The following HES2 variants were observed in gnomAD, a reference collection of about 807,000 sequenced individuals.
The protein encoded by HES2 is transcription factor HES-2.
In HES2, 11 loss-of-function variants were observed where a neutral mutation model predicts 11.9. The ratio of observed to expected loss-of-function variants is 0.92; its 90% CI spans 0.58 to 1.53. HES2 has a LOEUF of 1.53. HES2 is among the 40% of genes most tolerant of loss of function. HES2 has a pLI of 0.00. For missense variants in HES2, 260 were observed against 253.8 expected (o/e 1.02, Z -0.16); for synonymous variants, 125 against 122.8 (o/e 1.02, Z -0.12).
chr1:6,418,685 C>T lies in HES2; in HGVS notation c.*188G>A, dbSNP rs1328860271. On this transcript the variant is annotated 3_prime_UTR_variant, in exon 4 of 4. Coordinates refer to ENST00000377834, the MANE Select transcript of HES2 (RefSeq NM_019089.5). ...TGAAGCAGGGACGCTCCTTTTATTC[C>T]CTGAGCCGAGCCCCAGCCCCAGGGC... is the stretch of plus-strand genomic sequence containing the variant. 4 of 482,882 alleles carry T rather than the reference C, an allele frequency of 8.3e-6. No homozygotes were observed. The highest frequency in any genetic ancestry group is 5.6e-4 in the Middle Eastern group (1 of 1,788). 29.9% of individuals were successfully genotyped at this position (482,882 alleles called of 1,614,324 possible).
Position 6,419,110 on chromosome 1 carries a change from C to A in HES2, c.285G>T (p.Ala95=), listed in dbSNP as rs775892324. The A allele has an allele frequency of 5.3e-6, 8 of 1,509,260 alleles. No individual in the cohort carries two copies. The South Asian group carries it at 8.6e-5, about 16-fold the overall frequency. The allele number at this position is 1,509,260 out of a possible 1,614,324, so 93.5% of individuals were successfully genotyped here. Residue 95 remains alanine, a synonymous_variant, in exon 4 of 4, where the codon GCG becomes GCT. Coordinates refer to ENST00000377834, the MANE Select transcript of HES2 (RefSeq NM_019089.5). This position sits in a 1 kb window ranked among gnomAD's most constrained non-coding sequence, Gnocchi z 8.1. ...AGGCGGGCAGCACGCGGGCCAGGCGCGCCACACAGGCGCTGTAGCCCTCGC... is the reference window on the plus strand; with the variant it reads ...AGGCGGGCAGCACGCGGGCCAGGCGAGCCACACAGGCGCTGTAGCCCTCGC... The part of the protein sequence containing the change: ...SYREGYSACV[A]RLARVLPACR...
In HES2 at chr1:6,419,727, A is replaced by G; in HGVS notation, c.46-25T>C. The G allele has an allele frequency of 6.4e-7, 1 of 1,551,542 alleles. No homozygotes were observed. Among genetic ancestry groups the G allele is most frequent in the Admixed American group, 1.9e-5 (1 of 52,108 alleles). ...TCTGCGGACGGGCGGCGCGGTGGTTAGACGGGTCCCCGGAGTCCCCAGCCC... is the reference window on the plus strand; with the variant it reads ...TCTGCGGACGGGCGGCGCGGTGGTTGGACGGGTCCCCGGAGTCCCCAGCCC... On this transcript the variant is annotated intron_variant, in intron 1 of 3. Coordinates refer to ENST00000377834, the MANE Select transcript of HES2 (RefSeq NM_019089.5). The surrounding 1 kb of genome is among the most constrained non-coding windows in gnomAD (Gnocchi z 8.1).
Position 6,419,863 on chromosome 1 carries a change from G to C in HES2, c.-43C>G. 2 of 1,514,280 alleles carry C rather than the reference G, an allele frequency of 1.3e-6. No individual in the cohort carries two copies. Among genetic ancestry groups the C allele is most frequent in the Non-Finnish European group, 1.8e-6 (2 of 1,134,930 alleles). 93.8% of individuals were successfully genotyped at this position (1,514,280 alleles called of 1,614,324 possible). On this transcript the variant is annotated 5_prime_UTR_variant, in exon 1 of 4. Transcript: ENST00000377834. The surrounding 1 kb of genome is among the most constrained non-coding windows in gnomAD (Gnocchi z 8.1). ...TGGCAGCTGCGAGCCCCACGCAAAG[G>C]GAAACCGAGGTCCGAAATGAGGTCC...
chr1:6,419,667 C>T lies in HES2; in HGVS notation c.81G>A (p.Ala27=), dbSNP rs1175271441. 2 of 1,554,982 alleles carry T rather than the reference C, an allele frequency of 1.3e-6. No individual in the cohort carries two copies. The highest frequency in any genetic ancestry group is 2.7e-5 in the African/African-American group (2 of 72,890). ...LKPLLEKRRR[A]RINQSLSQLK... is the part of the protein sequence containing the mutation. The stretch of plus-strand genomic sequence containing the variant: ...GCTGGCTCAGGCTCTGGTTGATGCG[C>T]GCGCGCCGGCGCTTCTCCAGCAGCG... The change falls in exon 2 of 4, where the codon GCG becomes GCA. Residue 27 remains alanine (A), a synonymous_variant. Coordinates refer to ENST00000377834, the MANE Select transcript of HES2 (RefSeq NM_019089.5). The surrounding 1 kb of genome is among the most constrained non-coding windows in gnomAD (Gnocchi z 8.1).
chr1:6,419,258 C>T lies in HES2; in HGVS notation c.224G>A (p.Trp75Ter). ...RFLQELPASS[W>*]PTAAPLPCDS... ...TCACTCACGGGGCGCTGCCGTGGGC[C>T]ATGAGGACGCAGGCAGCTCCTGCAG... Residue 75 changes from tryptophan (W) to a stop codon, truncating the protein, a stop_gained, in exon 3 of 4, where the codon TGG becomes TAG. Coordinates refer to ENST00000377834, the MANE Select transcript of HES2 (RefSeq NM_019089.5). LOFTEE classifies it low-confidence loss of function (END_TRUNC). This position sits in a 1 kb window ranked among gnomAD's most constrained non-coding sequence, Gnocchi z 8.1. The T allele has an allele frequency of 6.2e-7, 1 of 1,610,084 alleles. No individual in the cohort carries two copies. Among genetic ancestry groups the T allele is most frequent in the Non-Finnish European group, 8.5e-7 (1 of 1,179,034 alleles).
chr1:6,419,237 T>A lies in HES2; in HGVS notation c.241+4A>T, dbSNP rs1642883385. The A allele has an allele frequency of 6.2e-7, 1 of 1,607,610 alleles. No individual in the cohort carries two copies. The highest frequency in any genetic ancestry group is 8.5e-7 in the Non-Finnish European group (1 of 1,178,512). On this transcript the variant is annotated splice_donor_region_variant and intron_variant, in intron 3 of 3. Transcript: ENST00000377834. The surrounding 1 kb of genome is among the most constrained non-coding windows in gnomAD (Gnocchi z 8.1). ...GCGCGGCAGGGCAGGGAGGGCTCAC[T>A]CACGGGGCGCTGCCGTGGGCCATGA...
chr1:6,419,490 G>C lies in HES2; in HGVS notation c.141+117C>G. The C allele has an allele frequency of 8.4e-7, 1 of 1,184,922 alleles. No homozygotes were observed. The highest frequency in any genetic ancestry group is 1.5e-5 in the South Asian group (1 of 64,578). The allele number at this position is 1,184,922 out of a possible 1,614,324, so 73.4% of individuals were successfully genotyped here. On this transcript the variant is annotated intron_variant, in intron 2 of 3. Coordinates refer to ENST00000377834, the MANE Select transcript of HES2 (RefSeq NM_019089.5). This position sits in a 1 kb window ranked among gnomAD's most constrained non-coding sequence, Gnocchi z 8.1. ...GCTCCGACGCGCCCACCCCACCCAG[G>C]CTCCGCCTCGGGCGCCGCGCGGAAC...
rs1458071917 is a variant in HES2, at chr1:6,418,019, C to A, written c.*854G>T. The A allele has an allele frequency of 6.6e-6, 1 of 152,318 alleles. No individual in the cohort carries two copies. The highest frequency in any genetic ancestry group is 2.4e-5 in the African/African-American group (1 of 41,460). The allele number at this position is 152,318 out of a possible 1,614,324, so 9.4% of individuals were successfully genotyped here. ...TCCATCCCTCAAATTCCTGCTGCTC[C>A]ATGGCAGGGGCCCTGCTCACCCCAC... On this transcript the variant is annotated 3_prime_UTR_variant, in exon 4 of 4. Coordinates refer to ENST00000377834, the MANE Select transcript of HES2 (RefSeq NM_019089.5).
chr1:6,419,541 G>T lies in HES2; in HGVS notation c.141+66C>A, dbSNP rs1642887219. The stretch of plus-strand genomic sequence containing the variant: ...CCCCTGGTGGGTTCCTCCCGCAGGA[G>T]CACCCCGTCCCCCTGCCCCCGCTCC... On this transcript the variant is annotated intron_variant, in intron 2 of 3. Coordinates refer to ENST00000377834, the MANE Select transcript of HES2 (RefSeq NM_019089.5). This position sits in a 1 kb window ranked among gnomAD's most constrained non-coding sequence, Gnocchi z 8.1. 1 of 1,380,244 alleles carries T rather than the reference G, an allele frequency of 7.2e-7. No individual in the cohort carries two copies. The highest frequency in any genetic ancestry group is 9.7e-7 in the Non-Finnish European group (1 of 1,033,484). 85.5% of individuals were successfully genotyped at this position (1,380,244 alleles called of 1,614,324 possible).
At position 6,419,507 on chromosome 1, in the gene HES2, G is replaced by A; in HGVS notation, c.141+100C>T. The A allele has an allele frequency of 8.0e-7, 1 of 1,244,536 alleles. No individual in the cohort carries two copies. Among genetic ancestry groups the A allele is most frequent in the Non-Finnish European group, 1.1e-6 (1 of 923,066 alleles). The allele number at this position is 1,244,536 out of a possible 1,614,324, so 77.1% of individuals were successfully genotyped here. A position where few individuals can be genotyped will look rare whatever the true frequency, so the allele number is the denominator to read the frequency against. ...CCACCCAGGCTCCGCCTCGGGCGCCGCGCGGAACCCCCTGGTGGGTTCCTC... is the reference window on the plus strand; with the variant it reads ...CCACCCAGGCTCCGCCTCGGGCGCCACGCGGAACCCCCTGGTGGGTTCCTC... On this transcript the variant is annotated intron_variant, in intron 2 of 3. Coordinates refer to ENST00000377834, the MANE Select transcript of HES2 (RefSeq NM_019089.5). The surrounding 1 kb of genome is among the most constrained non-coding windows in gnomAD (Gnocchi z 8.1).
At position 6,418,992 on chromosome 1, in the gene HES2, C is replaced by T. The variant is rs766076429; in HGVS notation, c.403G>A (p.Asp135Asn). The change falls in exon 4 of 4, where the codon GAT (aspartate) becomes AAT (asparagine). Residue 135 changes from aspartate to asparagine, a missense_variant. Asp to Asn is a conservative substitution (Grantham distance 23). Transcript: ENST00000377834. Reference protein sequence around the residue: ...SATLDGGRAGDSSGPSAPAPA... With the variant: ...SATLDGGRAGNSSGPSAPAPA... ...GCGGGGGCAGACGGGCCACTGGAATCCCCAGCGCGCCCGCCGTCCAGGGTG... is the reference window on the plus strand; with the variant it reads ...GCGGGGGCAGACGGGCCACTGGAATTCCCAGCGCGCCCGCCGTCCAGGGTG... 7 of 1,368,382 alleles carry T rather than the reference C, an allele frequency of 5.1e-6. No homozygotes were observed. The Admixed American group carries it at 2.4e-4, about 47-fold the overall frequency. 84.8% of individuals were successfully genotyped at this position (1,368,382 alleles called of 1,614,324 possible).
rs1459772624 is a variant in HES2, at chr1:6,419,446, C to G, written c.142-106G>C. ...GTCGGGAGCTGGGTGTGGGGCGCGC[C>G]GTGGCCTGCTGGGGGTCCGCTCCGA... On this transcript the variant is annotated intron_variant, in intron 2 of 3. Coordinates refer to ENST00000377834, the MANE Select transcript of HES2 (RefSeq NM_019089.5). The surrounding 1 kb of genome is among the most constrained non-coding windows in gnomAD (Gnocchi z 8.1). 29 of 1,206,292 alleles carry G rather than the reference C, an allele frequency of 2.4e-5. No individual in the cohort carries two copies. The East Asian group carries it at 7.8e-4, about 32-fold the overall frequency. The allele number at this position is 1,206,292 out of a possible 1,614,324, so 74.7% of individuals were successfully genotyped here.
chr1:6,419,097 C>G lies in HES2; in HGVS notation c.298G>C (p.Val100Leu). 3.3e-6 allele frequency: 5 copies of G among 1,503,444 alleles called. No homozygotes were observed. The highest frequency in any genetic ancestry group is 2.1e-5 in the Admixed American group (1 of 47,504). The allele number at this position is 1,503,444 out of a possible 1,614,324, so 93.1% of individuals were successfully genotyped here. A position where few individuals can be genotyped will look rare whatever the true frequency, so the allele number is the denominator to read the frequency against. Residue 100 changes from valine (V) to leucine (L), a missense_variant, in exon 4 of 4, where the codon GTG (valine) becomes CTG (leucine). Physicochemically the swap from Val to Leu is conservative, Grantham distance 32. Coordinates refer to ENST00000377834, the MANE Select transcript of HES2 (RefSeq NM_019089.5). This position sits in a 1 kb window ranked among gnomAD's most constrained non-coding sequence, Gnocchi z 8.1. ...TCCAGGACACGGCAGGCGGGCAGCACGCGGGCCAGGCGCGCCACACAGGCG... is the reference window on the plus strand; with the variant it reads ...TCCAGGACACGGCAGGCGGGCAGCAGGCGGGCCAGGCGCGCCACACAGGCG... ...YSACVARLARVLPACRVLEPA... is the reference protein window; with the variant it reads ...YSACVARLARLLPACRVLEPA...
chr1:6,419,562 G>A lies in HES2; in HGVS notation c.141+45C>T, dbSNP rs896794031. The A allele has an allele frequency of 4.4e-6, 6 of 1,358,618 alleles. No individual in the cohort carries two copies. Among genetic ancestry groups the A allele is most frequent in the Middle Eastern group, 2.5e-4 (1 of 3,940 alleles). 84.2% of individuals were successfully genotyped at this position (1,358,618 alleles called of 1,614,324 possible). ...AGGAGCACCCCGTCCCCCTGCCCCC[G>A]CTCCGCGCCCCAGGACCCTCTGCCC... is the stretch of plus-strand genomic sequence containing the variant. On this transcript the variant is annotated intron_variant, in intron 2 of 3. Coordinates refer to ENST00000377834, the MANE Select transcript of HES2 (RefSeq NM_019089.5). This position sits in a 1 kb window ranked among gnomAD's most constrained non-coding sequence, Gnocchi z 8.1.
In HES2 at chr1:6,419,486, C is replaced by T; in HGVS notation, c.141+121G>A. The stretch of plus-strand genomic sequence containing the variant: ...GTCCGCTCCGACGCGCCCACCCCAC[C>T]CAGGCTCCGCCTCGGGCGCCGCGCG... On this transcript the variant is annotated intron_variant, in intron 2 of 3. Coordinates refer to ENST00000377834, the MANE Select transcript of HES2 (RefSeq NM_019089.5). The surrounding 1 kb of genome is among the most constrained non-coding windows in gnomAD (Gnocchi z 8.1). 1 of 1,175,016 alleles carries T rather than the reference C, an allele frequency of 8.5e-7. No individual in the cohort carries two copies. Among genetic ancestry groups the T allele is most frequent in the Non-Finnish European group, 1.2e-6 (1 of 858,868 alleles). 72.8% of individuals were successfully genotyped at this position (1,175,016 alleles called of 1,614,324 possible).
At position 6,419,436 on chromosome 1, in the gene HES2, T is replaced by A. The variant is rs991544775; in HGVS notation, c.142-96A>T. 2.4e-6 allele frequency: 3 copies of A among 1,246,786 alleles called. No homozygotes were observed. The African/African-American group carries it at 4.6e-5, about 19-fold the overall frequency. 77.2% of individuals were successfully genotyped at this position (1,246,786 alleles called of 1,614,324 possible). Reference sequence around the variant, plus strand: ...CCTCGCTCTAGTCGGGAGCTGGGTGTGGGGCGCGCCGTGGCCTGCTGGGGG... The same window carrying A: ...CCTCGCTCTAGTCGGGAGCTGGGTGAGGGGCGCGCCGTGGCCTGCTGGGGG... On this transcript the variant is annotated intron_variant, in intron 2 of 3. Coordinates refer to ENST00000377834, the MANE Select transcript of HES2 (RefSeq NM_019089.5). The surrounding 1 kb of genome is among the most constrained non-coding windows in gnomAD (Gnocchi z 8.1).
At position 6,418,797 on chromosome 1, in the gene HES2, C is replaced by A; in HGVS notation, c.*76G>T. ...GGCCCCTAATGATGGGAACAGCAGCCGCCACCAAGAGCTTCAACCTGTCCA... is the reference window on the plus strand; with the variant it reads ...GGCCCCTAATGATGGGAACAGCAGCAGCCACCAAGAGCTTCAACCTGTCCA... On this transcript the variant is annotated 3_prime_UTR_variant, in exon 4 of 4. Coordinates refer to ENST00000377834, the MANE Select transcript of HES2 (RefSeq NM_019089.5). The A allele has an allele frequency of 1.6e-6, 2 of 1,255,562 alleles. No homozygotes were observed. The highest frequency in any genetic ancestry group is 2.0e-6 in the Non-Finnish European group (2 of 1,001,068). The allele number at this position is 1,255,562 out of a possible 1,614,324, so 77.8% of individuals were successfully genotyped here. A position where few individuals can be genotyped will look rare whatever the true frequency, so the allele number is the denominator to read the frequency against.
Position 6,419,688 on chromosome 1 carries a change from C to T in HES2, c.60G>A (p.Leu20=), listed in dbSNP as rs1017979542. Residue 20 remains leucine, a synonymous_variant, in exon 2 of 4, where the codon CTG becomes CTA. Coordinates refer to ENST00000377834, the MANE Select transcript of HES2 (RefSeq NM_019089.5). The surrounding 1 kb of genome is among the most constrained non-coding windows in gnomAD (Gnocchi z 8.1). ...TGCGCGCGCGCCGGCGCTTCTCCAG[C>T]AGCGGCTTCAGGCTCTGCGGACGGG... ...AAELRKSLKP[L]LEKRRRARIN... 6.4e-7 allele frequency: 1 copy of T among 1,556,062 alleles called. No individual in the cohort carries two copies. The highest frequency in any genetic ancestry group is 8.7e-7 in the Non-Finnish European group (1 of 1,153,492).
In HES2 at chr1:6,419,240, C is replaced by CG. The variant is rs774715696; in HGVS notation, c.241dup (p.Leu81ProfsTer115). Reference sequence around the variant, plus strand: ...CGGCAGGGCAGGGAGGGCTCACTCACGGGGCGCTGCCGTGGGCCATGAGGA... The same window carrying CG: ...CGGCAGGGCAGGGAGGGCTCACTCACGGGGGCGCTGCCGTGGGCCATGAGGA... On this transcript the variant is annotated frameshift_variant and splice_region_variant. Transcript: ENST00000377834. LOFTEE classifies it high-confidence loss of function. This position sits in a 1 kb window ranked among gnomAD's most constrained non-coding sequence, Gnocchi z 8.1. The CG allele has an allele frequency of 2.5e-6, 4 of 1,608,010 alleles. No individual in the cohort carries two copies. Among genetic ancestry groups the CG allele is most frequent in the Non-Finnish European group, 3.4e-6 (4 of 1,178,628 alleles).
Sources: gnomAD v4.1 joint callset for allele counts on GRCh38, gnomAD v4.1.1 for gene constraint, Gnocchi (gnomAD v3.1) non-coding constraint, MANE v1.5 for transcripts, NCBI Gene and HGNC (gene_info 2026-07-23, HGNC 2026-07-21) for gene names.